RORA: variants seen among roughly 807,000 people sequenced by gnomAD.
The protein encoded by RORA is RAR related orphan receptor A.
A neutral mutation model predicts 69.5 loss-of-function variants in RORA; 7 were observed. The observed-to-expected ratio is 0.10, with a 90% CI of 0.06 to 0.19. The LOEUF is 0.19. RORA is among the 10% of genes least tolerant of loss of function. The pLI is 1.00. For missense variants in RORA, 457 were observed against 663.0 expected, an observed-to-expected ratio of 0.69 and a Z score of 3.41; for synonymous variants, 261 against 240.8, an observed-to-expected ratio of 1.08 and a Z score of -0.78.
At chr15:60,685,924 TA>T (rs2070739990) in intron 1 of RORA, among the ~76,000 whole-genome samples, 3 of 152,198 alleles carry the variant, frequency 2.0e-5, no homozygotes, top group Admixed American at 2.0e-4. Flanking sequence ...GATTTGAGCC[TA>T]GGTTGAGCTG....
At chr15:61,127,598 C>G (rs117084075) in intron 1 of RORA, among the ~76,000 whole-genome samples, 96 of 152,328 alleles carry the variant, frequency 6.3e-4, no homozygotes, top group Non-Finnish European at 1.0e-3. Flanking sequence ...CAATCAACAC[C>G]AAGTATGCAT....
chr15:60,504,574 A>G (rs1446946309), intron 6 of RORA, among the ~76,000 whole-genome samples: 1 of 152,130 alleles, frequency 6.6e-6, no homozygotes, highest in Admixed American at 6.5e-5. Context: ...AAACTGGTGG[A>G]TATGGGAGCC....
chr15:60,958,672 T>C (rs796422216), intron 1 of RORA, among the ~76,000 whole-genome samples: 36 of 152,126 alleles, frequency 2.4e-4, no homozygotes, highest in African/African-American at 8.4e-4. Context: ...ATAAAGGAAA[T>C]AAAACGCATG....
chr15:61,059,593 A>C (rs2078142464), intron 1 of RORA, among the ~76,000 whole-genome samples: 2 of 152,140 alleles, frequency 1.3e-5, no homozygotes, highest in Admixed American at 6.5e-5. Context: ...CGTTATTGCC[A>C]TTTCTATCAA....
At chr15:60,709,278 A>G (rs1023606891) in intron 1 of RORA, among the ~76,000 whole-genome samples, 5 of 152,224 alleles carry the variant, frequency 3.3e-5, no homozygotes, top group Admixed American at 2.0e-4. Context: ...TGGTATTATT[A>G]TACAGCTCTC....
intron 3 of RORA, among the ~76,000 whole-genome samples, chr15:60,517,387 TTAACTC>T (rs1184858467): frequency 9.9e-5 from 15 of 152,212 alleles, no homozygotes; most frequent in African/African-American, 3.4e-4. Flanking sequence ...CTGTTGTACT[TTAACTC>T]TACCCTTGAT....
At chr15:60,814,914 C>G (rs573747985) in intron 1 of RORA, among the ~76,000 whole-genome samples, 2 of 152,290 alleles carry the variant, frequency 1.3e-5, no homozygotes, top group Admixed American at 1.3e-4. Flanking sequence ...AAGGTAGGAC[C>G]AGGGTCTCTA....
intron 1 of RORA, among the ~76,000 whole-genome samples, chr15:60,932,685 G>A (rs898683906): frequency 1.6e-4 from 24 of 152,166 alleles, no homozygotes; most frequent in Non-Finnish European, 2.8e-4. Context: ...CACAGCTCCT[G>A]CAAATGACTC....
At chr15:60,891,522 G>C (rs1239921434) in intron 1 of RORA, among the ~76,000 whole-genome samples, 1 of 152,168 alleles carries the variant, frequency 6.6e-6, no homozygotes, top group Non-Finnish European at 1.5e-5. Flanking sequence ...GTCAGAGCCA[G>C]GAACAGTAGA....
intron 1 of RORA, among the ~76,000 whole-genome samples, chr15:61,000,883 G>A (rs780608062): frequency 6.6e-6 from 1 of 152,122 alleles, no homozygotes; most frequent in African/African-American, 2.4e-5. Context: ...CCTGAGATAA[G>A]CATCTTACCC....
intron 1 of RORA, among the ~76,000 whole-genome samples, chr15:61,067,462 A>G (rs918474381): frequency 5.3e-5 from 8 of 152,178 alleles, no homozygotes; most frequent in African/African-American, 1.9e-4. Context: ...AACTGCCTCT[A>G]ATGATGTTGT....
At chr15:60,700,738 CT>C (rs1596137700) in intron 1 of RORA, among the ~76,000 whole-genome samples, 1 of 152,172 alleles carries the variant, frequency 6.6e-6, no homozygotes, top group Non-Finnish European at 1.5e-5. Context: ...GACCTCCAAG[CT>C]TTTTTCTGTT....
intron 1 of RORA, among the ~76,000 whole-genome samples, chr15:60,740,458 C>A (rs899001700): frequency 6.6e-6 from 1 of 152,166 alleles, no homozygotes; most frequent in African/African-American, 2.4e-5. Flanking sequence ...CTGGAGCCTA[C>A]GACATTAAAG....
At chr15:61,159,379 T>A (rs914968428) in intron 1 of RORA, among the ~76,000 whole-genome samples, 1 of 152,120 alleles carries the variant, frequency 6.6e-6, no homozygotes, top group Non-Finnish European at 1.5e-5. Context: ...AAAATGTACT[T>A]CCAATTTTTT....
intron 2 of RORA, among the ~76,000 whole-genome samples, chr15:60,536,634 C>T (rs1216043194): frequency 2.0e-5 from 3 of 152,234 alleles, no homozygotes; most frequent in Admixed American, 2.0e-4. Context: ...AAGGTTACCC[C>T]AATAATATCG....
chr15:60,651,271 C>T (rs1036097511), intron 2 of RORA, among the ~76,000 whole-genome samples: 2 of 152,160 alleles, frequency 1.3e-5, no homozygotes, highest in East Asian at 1.9e-4. Context: ...GCAAGTTCAT[C>T]TCCGAGAAGC....
intron 1 of RORA, among the ~76,000 whole-genome samples, chr15:60,891,962 G>C (rs527702780): frequency 6.6e-6 from 1 of 152,122 alleles, no homozygotes; most frequent in Non-Finnish European, 1.5e-5. Context: ...CAATTTCCAA[G>C]CTTCCTCCAG....
intron 1 of RORA, among the ~76,000 whole-genome samples, chr15:61,162,355 A>C (rs1401815808): frequency 1.3e-5 from 2 of 152,214 alleles, no homozygotes; most frequent in Non-Finnish European, 1.5e-5. Context: ...AAACATTTTA[A>C]AAAGCAAAAG....
chr15:60,963,773 G>T (rs1893477718), intron 1 of RORA, among the ~76,000 whole-genome samples: 1 of 152,222 alleles, frequency 6.6e-6, no homozygotes, highest in Admixed American at 6.5e-5. Flanking sequence ...TGGCAGACAG[G>T]TGTGGATTTC....
Sources: allele counts gnomAD v4.1 joint callset (sites outside exome capture counted in the v4.1 genomes callset), GRCh38; gene constraint gnomAD v4.1.1; transcripts MANE v1.5; gene names NCBI Gene and HGNC (gene_info 2026-07-23, HGNC 2026-07-21).